The following SCHIP1 variants were observed in gnomAD, a reference collection of about 807,000 sequenced individuals.
SCHIP1 encodes schwannomin-interacting protein 1.
Under a neutral mutation model 29.7 loss-of-function variants are expected in SCHIP1, and 8 were observed. The observed-to-expected ratio is 0.27, with a 90% CI of 0.16 to 0.49. The LOEUF (loss-of-function observed/expected upper bound fraction) is 0.49, where lower values mean the gene tolerates loss of function less well. Among genes scored for constraint, SCHIP1 ranks in the 20% least tolerant of loss-of-function variants. The pLI, the probability that SCHIP1 is intolerant of heterozygous loss-of-function variation, is 0.99. For missense variants in SCHIP1, 193 were observed against 294.6 expected (o/e 0.66, Z 2.52); for synonymous variants, 76 against 94.9 (o/e 0.80, Z 1.16).
the SCHIP1 span, among the ~76,000 whole-genome samples, chr3:159,412,644 G>A: frequency 1.3e-5 from 2 of 152,180 alleles, no homozygotes; most frequent in African/African-American, 4.8e-5. Flanking sequence ...TGGGTCCAAA[G>A]TGGTGCTTTG....
At chr3:159,566,421 C>T in the SCHIP1 span, among the ~76,000 whole-genome samples, 19 of 152,114 alleles carry the variant, frequency 1.2e-4, no homozygotes, top group Admixed American at 9.2e-4. Context: ...TAAACCAAAA[C>T]CCTGCCTTTA....
chr3:159,652,895 T>C, the SCHIP1 span, among the ~76,000 whole-genome samples: 1 of 152,130 alleles, frequency 6.6e-6, no homozygotes, highest in Non-Finnish European at 1.5e-5. Flanking sequence ...CTGTGTTAAA[T>C]AAAATAAGCC....
At chr3:159,511,626 A>G in the SCHIP1 span, among the ~76,000 whole-genome samples, 27 of 151,916 alleles carry the variant, frequency 1.8e-4, no homozygotes, top group African/African-American at 6.3e-4. Flanking sequence ...CTGAGCCATT[A>G]TAATTTTAAC....
the SCHIP1 span, among the ~76,000 whole-genome samples, chr3:159,326,154 G>T: frequency 6.6e-6 from 1 of 152,094 alleles, no homozygotes; most frequent in South Asian, 2.1e-4. Flanking sequence ...GGGGAATTAG[G>T]ATTAAATTAA....
At chr3:159,504,164 C>T in the SCHIP1 span, among the ~76,000 whole-genome samples, 1 of 152,050 alleles carries the variant, frequency 6.6e-6, no homozygotes, top group East Asian at 1.9e-4. Flanking sequence ...TGATAGGAGC[C>T]CAAACACAGG....
chr3:159,301,345 G>A, the SCHIP1 span, among the ~76,000 whole-genome samples: 3,892 of 152,216 alleles, frequency 0.026, 161 homozygotes, highest in African/African-American at 0.09. Flanking sequence ...GCTCCTTTGT[G>A]TTTTTGGAGT....
At chr3:159,877,292 G>A (rs776513207) in intron 2 of SCHIP1, among the ~76,000 whole-genome samples, 8 of 152,224 alleles carry the variant, frequency 5.3e-5, no homozygotes, top group Non-Finnish European at 1.0e-4. Flanking sequence ...AGAGGTTGCA[G>A]TGAGCCGAGA....
the SCHIP1 span, among the ~76,000 whole-genome samples, chr3:159,380,680 TA>T: frequency 6.6e-6 from 1 of 152,262 alleles, no homozygotes; most frequent in East Asian, 1.9e-4. Context: ...ATACATTGTT[TA>T]AAATCTTCAC....
the SCHIP1 span, among the ~76,000 whole-genome samples, chr3:159,295,580 C>T: frequency 6.6e-6 from 1 of 152,184 alleles, no homozygotes; most frequent in African/African-American, 2.4e-5. Flanking sequence ...CCTCTCTCAT[C>T]CCTGCTTACA....
chr3:159,344,418 C>T, the SCHIP1 span, among the ~76,000 whole-genome samples: 1 of 151,784 alleles, frequency 6.6e-6, no homozygotes, highest in Non-Finnish European at 1.5e-5. Context: ...CTGACAAACA[C>T]TACCTCAACT....
chr3:159,597,907 C>G, the SCHIP1 span, among the ~76,000 whole-genome samples: 1 of 152,072 alleles, frequency 6.6e-6, no homozygotes, highest in African/African-American at 2.4e-5. Context: ...TTTCTCATGG[C>G]TGGAAAGGCC....
chr3:159,435,387 A>C, the SCHIP1 span, among the ~76,000 whole-genome samples: 2 of 152,182 alleles, frequency 1.3e-5, no homozygotes, highest in African/African-American at 4.8e-5. Flanking sequence ...AGAACATTCA[A>C]AACAAGCCCC....
the SCHIP1 span, among the ~76,000 whole-genome samples, chr3:159,692,567 G>T: frequency 1.3e-5 from 2 of 152,096 alleles, no homozygotes; most frequent in Non-Finnish European, 2.9e-5. Flanking sequence ...GTGTTTTTCA[G>T]CTCCATCAGG....
chr3:159,842,912 T>G (rs2109031559), intron 1 of SCHIP1, among the ~76,000 whole-genome samples: 1 of 151,776 alleles, frequency 6.6e-6, no homozygotes, highest in South Asian at 2.1e-4. Flanking sequence ...TTTCTGCGAG[T>G]CTTTGCTCAG....
At chr3:159,400,529 T>A in the SCHIP1 span, among the ~76,000 whole-genome samples, 1 of 152,222 alleles carries the variant, frequency 6.6e-6, no homozygotes, top group Admixed American at 6.5e-5. Flanking sequence ...ATAGCTGGAC[T>A]CAGTACACAG....
At chr3:159,510,268 G>C in the SCHIP1 span, among the ~76,000 whole-genome samples, 23 of 152,018 alleles carry the variant, frequency 1.5e-4, no homozygotes, top group Admixed American at 1.3e-3. Flanking sequence ...ATCGGCTACT[G>C]AAGCTTGTGC....
chr3:159,350,292 A>G, the SCHIP1 span, among the ~76,000 whole-genome samples: 1 of 152,196 alleles, frequency 6.6e-6, no homozygotes, highest in Admixed American at 6.6e-5. Context: ...CATTCATTCC[A>G]TCACTGTACA....
chr3:159,715,037 A>G, the SCHIP1 span, among the ~76,000 whole-genome samples: 7 of 152,188 alleles, frequency 4.6e-5, no homozygotes, highest in Non-Finnish European at 1.0e-4. Flanking sequence ...TGCCCCTCTG[A>G]GAGGAAGCTT....
chr3:159,446,023 T>TAAC, the SCHIP1 span, among the ~76,000 whole-genome samples: 1 of 150,678 alleles, frequency 6.6e-6, no homozygotes, highest in East Asian at 1.9e-4. Context: ...ACTTAAAGTA[T>TAAC]AATAATAATA....
Sources: allele counts gnomAD v4.1 joint callset (sites outside exome capture counted in the v4.1 genomes callset), GRCh38; gene constraint gnomAD v4.1.1; transcripts MANE v1.5; gene names NCBI Gene and HGNC (gene_info 2026-07-23, HGNC 2026-07-21).